MYO3B: variants seen among roughly 807,000 people sequenced by gnomAD.
The protein encoded by MYO3B is myosin-IIIb.
A neutral mutation model predicts 174.6 loss-of-function variants in MYO3B; 156 were observed. The ratio of observed to expected loss-of-function variants is 0.89; its 90% CI spans 0.78 to 1.02. The LOEUF (loss-of-function observed/expected upper bound fraction) is 1.02. Among genes scored for constraint, MYO3B ranks in the 50% least tolerant of loss-of-function variants. MYO3B has a pLI of 0.00. For missense variants in MYO3B, 1,632 were observed against 1,639.4 expected, an observed-to-expected ratio of 1.00 and a Z score of 0.08; for synonymous variants, 563 against 569.1, an observed-to-expected ratio of 0.99 and a Z score of 0.15.
Position 170,441,134 on chromosome 2 carries a change from G to GTTAGTTCTAACATTTA in MYO3B, c.2651-2820_2651-2805dup, listed in dbSNP as rs1020491500. On this transcript the variant is annotated intron_variant, in intron 22 of 34. Transcript: ENST00000408978. ...GTTTTGTATCAGCAATTTTGCTAAA[G>GTTAGTTCTAACATTTA]TTAGTTCTAACATTTATTAGTTCTA... is the stretch of plus-strand genomic sequence containing the variant. Among the ~76,000 whole-genome samples, 19 of 152,316 alleles carry GTTAGTTCTAACATTTA rather than the reference G, an allele frequency of 1.2e-4. 1 individual carries two copies. Among genetic ancestry groups the GTTAGTTCTAACATTTA allele is most frequent in the African/African-American group, 4.6e-4 (19 of 41,574 alleles).
intron 32 of MYO3B, among the ~76,000 whole-genome samples, chr2:170,607,146 TATA>T (rs1240736379): frequency 6.6e-6 from 1 of 152,244 alleles, no homozygotes; most frequent in Non-Finnish European, 1.5e-5. Flanking sequence ...TTTTCTCAGT[TATA>T]ATAAGTCAAA....
At chr2:170,475,472 G>A (rs1189331463) in intron 25 of MYO3B, among the ~76,000 whole-genome samples, 1 of 152,112 alleles carries the variant, frequency 6.6e-6, no homozygotes, top group African/African-American at 2.4e-5. Context: ...GCTGGTCTCA[G>A]ACTCCTGGGC....
chr2:170,190,897 C>A (rs569956596), intron 1 of MYO3B, among the ~76,000 whole-genome samples: 1 of 151,920 alleles, frequency 6.6e-6, no homozygotes, highest in South Asian at 2.1e-4. Context: ...TTACTCTTTT[C>A]TCTCCTTTTC....
intron 23 of MYO3B, among the ~76,000 whole-genome samples, chr2:170,452,492 G>A (rs572860664): frequency 6.6e-6 from 1 of 152,094 alleles, no homozygotes; most frequent in Non-Finnish European, 1.5e-5. Flanking sequence ...AAAGATAAAG[G>A]CCTTTTAAGT....
At chr2:170,271,820 G>A (rs1282266518) in intron 7 of MYO3B, among the ~76,000 whole-genome samples, 1 of 152,158 alleles carries the variant, frequency 6.6e-6, no homozygotes, top group African/African-American at 2.4e-5. Flanking sequence ...TGATACTATA[G>A]TGGGCTTCGG....
intron 16 of MYO3B, among the ~76,000 whole-genome samples, chr2:170,392,863 G>GT (rs5836273): frequency 1.6e-4 from 24 of 150,262 alleles, no homozygotes; most frequent in Non-Finnish European, 3.6e-4. Context: ...AATACTGTGG[G>GT]TTTTTTTTCT....
At chr2:170,481,771 G>T (rs973957180) in intron 25 of MYO3B, among the ~76,000 whole-genome samples, 3 of 151,900 alleles carry the variant, frequency 2.0e-5, no homozygotes, top group Admixed American at 6.6e-5. Flanking sequence ...TCTCTGGGAG[G>T]GTCTTTAACA....
At chr2:170,282,933 G>A (rs1024870535) in intron 7 of MYO3B, among the ~76,000 whole-genome samples, 2 of 152,120 alleles carry the variant, frequency 1.3e-5, no homozygotes, top group African/African-American at 2.4e-5. Context: ...CACTGTGTGG[G>A]CTAGAGTTCT....
At chr2:170,569,861 GA>G (rs34549360) in intron 32 of MYO3B, among the ~76,000 whole-genome samples, 4,812 of 91,448 alleles carry the variant, frequency 0.053, 90 homozygotes, top group Middle Eastern at 0.2. Flanking sequence ...GCTCTATCTC[GA>G]AAAAAAAAAA....
intron 17 of MYO3B, among the ~76,000 whole-genome samples, chr2:170,400,683 A>G (rs7564575): frequency 0.17 from 24,226 of 144,564 alleles, 2,228 homozygotes; most frequent in East Asian, 0.31. Context: ...GTTGGGATTC[A>G]CCCAGCCTGC....
In MYO3B at chr2:170,573,439, A is replaced by G. The variant is rs56097622; in HGVS notation, c.3733+29451A>G. ...ATAGGCCTAAGAACATAACTCTCCTATGGTTCAAAGGGGCTGTCAATTCCA... is the reference window on the plus strand; with the variant it reads ...ATAGGCCTAAGAACATAACTCTCCTGTGGTTCAAAGGGGCTGTCAATTCCA... On this transcript the variant is annotated intron_variant, in intron 32 of 34. Transcript: ENST00000408978. Among the ~76,000 whole-genome samples the G allele has an allele frequency of 4.1e-3, 626 of 152,156 alleles. 5 individuals carry two copies. Among genetic ancestry groups the G allele is most frequent in the African/African-American group, 0.014 (585 of 41,550 alleles).
At chr2:170,209,786 G>C (rs2092752370) in intron 3 of MYO3B, among the ~76,000 whole-genome samples, 1 of 152,138 alleles carries the variant, frequency 6.6e-6, no homozygotes, top group African/African-American at 2.4e-5. Flanking sequence ...ATATACATTA[G>C]ACATTAGAAT....
intron 6 of MYO3B, among the ~76,000 whole-genome samples, chr2:170,222,269 C>T (rs1182804670): frequency 6.6e-6 from 1 of 152,162 alleles, no homozygotes; most frequent in African/African-American, 2.4e-5. Context: ...CATGGTGCAA[C>T]CAAACAGCGA....
intron 9 of MYO3B, among the ~76,000 whole-genome samples, chr2:170,370,350 G>A (rs925814582): frequency 1.3e-5 from 2 of 152,154 alleles, no homozygotes; most frequent in African/African-American, 4.8e-5. Flanking sequence ...GGAGCTGGAG[G>A]CGTAGTATCA....
At chr2:170,608,712 T>C (rs1464952794) in intron 32 of MYO3B, among the ~76,000 whole-genome samples, 1 of 151,946 alleles carries the variant, frequency 6.6e-6, no homozygotes, top group Admixed American at 6.6e-5. Context: ...AGAGAGTATG[T>C]GTGTGTGTGT....
At chr2:170,540,232 G>A (rs1035353749) in intron 30 of MYO3B, among the ~76,000 whole-genome samples, 2 of 151,944 alleles carry the variant, frequency 1.3e-5, no homozygotes, top group African/African-American at 2.4e-5. Flanking sequence ...TCTGCAGCGG[G>A]AGGATCACTT....
At chr2:170,575,917 GA>G (rs1387109102) in intron 32 of MYO3B, among the ~76,000 whole-genome samples, 1 of 152,150 alleles carries the variant, frequency 6.6e-6, no homozygotes, top group Non-Finnish European at 1.5e-5. Flanking sequence ...TCTCGTAGCT[GA>G]AAGGATTCTT....
chr2:170,316,482 C>T (rs544089600), intron 7 of MYO3B, among the ~76,000 whole-genome samples: 1 of 152,352 alleles, frequency 6.6e-6, no homozygotes, highest in East Asian at 1.9e-4. Context: ...TATCTACCCA[C>T]TTATGCCTGG....
chr2:170,447,943 T>C (rs183526549), intron 23 of MYO3B, among the ~76,000 whole-genome samples: 107 of 152,296 alleles, frequency 7.0e-4, no homozygotes, highest in Middle Eastern at 3.4e-3. Flanking sequence ...AGTCAGTTTA[T>C]TGATCTGAGT....
Sources: allele counts gnomAD v4.1 joint callset (sites outside exome capture counted in the v4.1 genomes callset), GRCh38; gene constraint gnomAD v4.1.1; transcripts MANE v1.5; gene names NCBI Gene and HGNC (gene_info 2026-07-23, HGNC 2026-07-21).